The following IL1RAPL1 variants were observed in gnomAD, a reference collection of about 807,000 sequenced individuals.
IL1RAPL1 encodes the protein interleukin-1 receptor accessory protein-like 1.
In IL1RAPL1, 3 loss-of-function variants were observed where a neutral mutation model predicts 48.4. The ratio of observed to expected loss-of-function variants is 0.06; its 90% CI spans 0.03 to 0.16. The LOEUF (loss-of-function observed/expected upper bound fraction) is 0.16, where lower values mean the gene tolerates loss of function less well. IL1RAPL1 is among the 10% of genes least tolerant of loss of function. The pLI, the probability that IL1RAPL1 is intolerant of heterozygous loss-of-function variation, is 1.00. For synonymous variants in IL1RAPL1, 185 were observed against 187.7 expected (o/e 0.99, Z 0.12); for missense variants, 349 against 530.6 (o/e 0.66, Z 3.36).
chrX:28,839,870 T>A (rs1389252204), intron 2 of IL1RAPL1, among the ~76,000 whole-genome samples: 1 of 104,908 alleles, frequency 9.5e-6, no homozygotes, highest in Non-Finnish European at 1.9e-5. Flanking sequence ...ATGACATCAG[T>A]TACCTCTGTT....
chrX:29,431,608 G>A (rs893380076), intron 5 of IL1RAPL1, among the ~76,000 whole-genome samples: 6 of 111,491 alleles, frequency 5.4e-5, no homozygotes, highest in South Asian at 3.7e-4. Flanking sequence ...TGTCTAAAGC[G>A]TTAATAATAT....
chrX:29,537,073 A>G (rs958930394), intron 5 of IL1RAPL1, among the ~76,000 whole-genome samples: 2 of 111,157 alleles, frequency 1.8e-5, no homozygotes, highest in African/African-American at 6.5e-5. Context: ...ATTACTTTCC[A>G]TCAATCACAT....
chrX:29,904,823 C>T (rs972306119), intron 6 of IL1RAPL1, among the ~76,000 whole-genome samples: 2 of 111,991 alleles, frequency 1.8e-5, no homozygotes, highest in African/African-American at 6.5e-5. Flanking sequence ...AATAGTGCTG[C>T]AATACACATA....
At chrX:28,593,923 T>C (rs1345258730) in intron 1 of IL1RAPL1, among the ~76,000 whole-genome samples, 1 of 111,383 alleles carries the variant, frequency 9.0e-6, no homozygotes, top group Non-Finnish European at 1.9e-5. Flanking sequence ...GTCATAGTTA[T>C]ACTTTCAGTA....
intron 2 of IL1RAPL1, among the ~76,000 whole-genome samples, chrX:29,261,159 A>T (rs1931851995): frequency 9.1e-6 from 1 of 109,918 alleles, no homozygotes. Flanking sequence ...CTTTTTTTCC[A>T]ACTTGAAGTC....
In IL1RAPL1 at chrX:29,568,108, A is replaced by G. The variant is rs1386899390; in HGVS notation, c.704-100322A>G. 2.8e-5 allele frequency among the ~76,000 whole-genome samples: 3 copies of G among 107,279 alleles called. No individual in the cohort carries two copies. In the East Asian group the frequency reaches 8.8e-4, roughly 32 times the overall value. 93.2% of individuals were successfully genotyped at this position (107,279 alleles called of 115,157 possible). On this transcript the variant is annotated intron_variant, in intron 5 of 10. Transcript: ENST00000378993. The stretch of plus-strand genomic sequence containing the variant: ...AGCAATTATCTTGTGCTCCCGACCC[A>G]CTAAGCTTATTTAAAGATCAAGAAT...
intron 5 of IL1RAPL1, among the ~76,000 whole-genome samples, chrX:29,600,060 T>C (rs957145870): frequency 8.9e-6 from 1 of 112,184 alleles, no homozygotes; most frequent in Admixed American, 9.5e-5. Flanking sequence ...CCATTGCTGG[T>C]CATCTGGTGT....
chrX:29,175,739 G>A (rs1048223221), intron 2 of IL1RAPL1, among the ~76,000 whole-genome samples: 1 of 104,768 alleles, frequency 9.5e-6, no homozygotes, highest in Non-Finnish European at 1.9e-5. Flanking sequence ...CCAGCTACTC[G>A]TGAGGCTGAG....
intron 6 of IL1RAPL1, among the ~76,000 whole-genome samples, chrX:29,802,932 TG>T (rs1165963733): frequency 2.0e-5 from 1 of 50,343 alleles, no homozygotes; most frequent in Admixed American, 2.0e-4. Flanking sequence ...TATACATATA[TG>T]TGTACATATG....
rs1342768721 is a variant in IL1RAPL1, at chrX:29,381,829, AAAAAATATATATATATATAT to A, written c.363-14427_363-14408del. On this transcript the variant is annotated intron_variant, in intron 3 of 10. Coordinates refer to ENST00000378993, the MANE Select transcript of IL1RAPL1 (RefSeq NM_014271.4). ...AGACTGTTGCCAAAAAAAAAAAAAA[AAAAAATATATATATATATAT>A]ATATATATATATATACATATACTTA... 8.5e-3 allele frequency among the ~76,000 whole-genome samples: 271 copies of A among 31,732 alleles called. 7 individuals are homozygous for A. Among genetic ancestry groups the A allele is most frequent in the African/African-American group, 0.021 (261 of 12,669 alleles). 27.6% of individuals were successfully genotyped at this position (31,732 alleles called of 115,157 possible). A position where few individuals can be genotyped will look rare whatever the true frequency, so the allele number is the denominator to read the frequency against.
At chrX:28,735,985 T>C (rs1935819560) in intron 1 of IL1RAPL1, among the ~76,000 whole-genome samples, 1 of 111,521 alleles carries the variant, frequency 9.0e-6, no homozygotes, top group African/African-American at 3.3e-5. Context: ...ATACTACCTA[T>C]TGATTATTCA....
At chrX:28,676,548 C>T (rs749756281) in intron 1 of IL1RAPL1, among the ~76,000 whole-genome samples, 9 of 110,974 alleles carry the variant, frequency 8.1e-5, no homozygotes, top group Admixed American at 2.9e-4. Context: ...GCCTGGCCAA[C>T]GTGGCGAAAC....
chrX:28,739,479 A>G (rs1935882949), intron 1 of IL1RAPL1, among the ~76,000 whole-genome samples: 1 of 111,344 alleles, frequency 9.0e-6, no homozygotes, highest in Non-Finnish European at 1.9e-5. Flanking sequence ...CGTTGCATCC[A>G]CTAACTCATT....
At chrX:28,813,041 C>A (rs1000350268) in intron 2 of IL1RAPL1, among the ~76,000 whole-genome samples, 10 of 110,813 alleles carry the variant, frequency 9.0e-5, no homozygotes, top group African/African-American at 3.3e-4. Flanking sequence ...CAATACCTGG[C>A]ATATGAAAGA....
intron 5 of IL1RAPL1, among the ~76,000 whole-genome samples, chrX:29,637,211 A>G (rs1398034696): frequency 3.7e-5 from 4 of 108,987 alleles, no homozygotes; most frequent in Admixed American, 9.9e-5. Flanking sequence ...AGGTATAAAT[A>G]GAAAATTCAA....
intron 2 of IL1RAPL1, 67 bp from the exon 3 acceptor site, chrX:29,282,871 T>C (rs188568596): frequency 2.8e-6 from 3 of 1,062,010 alleles, no homozygotes; most frequent in African/African-American, 3.7e-5. Flanking sequence ...GAATGAATAA[T>C]CTAATTGCTT....
intron 6 of IL1RAPL1, among the ~76,000 whole-genome samples, chrX:29,819,660 A>G (rs1234478414): frequency 1.8e-5 from 2 of 110,243 alleles, no homozygotes; most frequent in Admixed American, 9.9e-5. Context: ...CTATCTACTC[A>G]TTGAGATAAA....
chrX:28,733,829 G>A (rs986843837), intron 1 of IL1RAPL1, among the ~76,000 whole-genome samples: 11 of 110,900 alleles, frequency 9.9e-5, no homozygotes, highest in African/African-American at 3.6e-4. Flanking sequence ...TTCCAGATTC[G>A]TACATCTAAC....
rs985396844 is a variant in IL1RAPL1, at chrX:28,993,347, G to T, written c.82+203922G>T. Among the ~76,000 whole-genome samples the T allele has an allele frequency of 1.6e-4, 18 of 111,913 alleles. 1 individual carries two copies. The Admixed American group carries it at 1.7e-3, about 11-fold the overall frequency. ...GGTTAGAAGAGGGAATTTAATGCAA[G>T]CGCAATGACCGGTGAAGGAGCTGTT... On this transcript the variant is annotated intron_variant, in intron 2 of 10. Coordinates refer to ENST00000378993, the MANE Select transcript of IL1RAPL1 (RefSeq NM_014271.4).
Sources: allele counts gnomAD v4.1 joint callset (sites outside exome capture counted in the v4.1 genomes callset), GRCh38; gene constraint gnomAD v4.1.1; transcripts MANE v1.5; gene names NCBI Gene and HGNC (gene_info 2026-07-23, HGNC 2026-07-21).